Variants in GRB10 observed in about 807,000 individuals in gnomAD.
GRB10 encodes growth factor receptor bound protein 10.
A neutral mutation model predicts 80.9 loss-of-function variants in GRB10; 20 were observed. The ratio of observed to expected loss-of-function variants is 0.25; its 90% CI spans 0.17 to 0.36. The LOEUF (loss-of-function observed/expected upper bound fraction) is 0.36, where lower values mean the gene tolerates loss of function less well. Ranked by LOEUF, GRB10 falls within the 10% of genes least tolerant of loss-of-function variation. The pLI, the probability that GRB10 is intolerant of heterozygous loss-of-function variation, is 1.00. For missense variants in GRB10, 548 were observed against 747.7 expected, an observed-to-expected ratio of 0.73 and a Z score of 3.12; for synonymous variants, 291 against 291.5, an observed-to-expected ratio of 1.00 and a Z score of 0.02.
chr7:50,626,173 G>A (rs1327241744), intron 8 of GRB10, among the ~76,000 whole-genome samples: 3 of 152,208 alleles, frequency 2.0e-5, no homozygotes, highest in Non-Finnish European at 4.4e-5. Flanking sequence ...TCTGTAAAGA[G>A]TCAATATCTT....
chr7:50,605,805 C>G (rs1434291787), intron 14 of GRB10, among the ~76,000 whole-genome samples: 1 of 152,114 alleles, frequency 6.6e-6, no homozygotes, highest in Admixed American at 6.5e-5. Context: ...ACTCGTGGAC[C>G]CTTTCTGTGG....
chr7:50,694,977 C>T (rs1363672776), intron 5 of GRB10, among the ~76,000 whole-genome samples: 1 of 152,120 alleles, frequency 6.6e-6, no homozygotes, highest in Non-Finnish European at 1.5e-5. Context: ...CTCCTAACCT[C>T]TCTGCTATTA....
chr7:50,672,232 G>A (rs1016499167), intron 6 of GRB10, among the ~76,000 whole-genome samples: 13 of 152,146 alleles, frequency 8.5e-5, no homozygotes, highest in South Asian at 4.1e-4. Flanking sequence ...ACCATGCTCC[G>A]TGACCTCTGG....
intron 2 of GRB10, among the ~76,000 whole-genome samples, chr7:50,765,214 C>T (rs920780596): frequency 3.3e-5 from 5 of 152,164 alleles, no homozygotes; most frequent in African/African-American, 7.2e-5. Context: ...TATACTCTGC[C>T]GGTGGGAATG....
rs536888291 is a variant in GRB10, at chr7:50,630,332, CCT to C, written c.505-3356_505-3355del. ...GTGGGAACATGGCTGAGCTATCCAG[CCT>C]CTCTGTGCCTCAGTTTCCTCATCTG... On this transcript the variant is annotated intron_variant, in intron 7 of 18. Coordinates refer to ENST00000401949, the MANE Select transcript of GRB10 (RefSeq NM_001350814.2). 5.9e-3 allele frequency among the ~76,000 whole-genome samples: 904 copies of C among 152,308 alleles called. 12 individuals are homozygous for C. Among genetic ancestry groups the C allele is most frequent in the African/African-American group, 0.02 (849 of 41,556 alleles).
At chr7:50,645,496 A>C in intron 7 of GRB10, 1 of 569,080 alleles carries the variant, frequency 1.8e-6, no homozygotes, top group Non-Finnish European at 2.2e-6. Flanking sequence ...TTGGGCACTA[A>C]CTCCTTTAAA....
intron 5 of GRB10, among the ~76,000 whole-genome samples, chr7:50,699,207 T>C (rs2063828179): frequency 6.6e-6 from 1 of 150,792 alleles, no homozygotes; most frequent in Admixed American, 6.5e-5. Flanking sequence ...TGAATAATTA[T>C]TTGCAAAAAG....
chr7:50,671,500 T>C (rs1290845115), intron 6 of GRB10, among the ~76,000 whole-genome samples: 6 of 152,244 alleles, frequency 3.9e-5, no homozygotes, highest in African/African-American at 2.4e-5. Context: ...AGAACTCACA[T>C]GGCATGAAGG....
At chr7:50,734,873 G>A (rs7780348) in intron 3 of GRB10, among the ~76,000 whole-genome samples, 102,043 of 151,976 alleles carry the variant, frequency 0.67, 36,566 homozygotes, top group Middle Eastern at 0.84. Context: ...AAGATGAAAA[G>A]CTTCTCCCCT....
chr7:50,736,096 G>A (rs542335910), intron 3 of GRB10, among the ~76,000 whole-genome samples: 1 of 152,238 alleles, frequency 6.6e-6, no homozygotes, highest in Admixed American at 6.5e-5. Context: ...GATCAGCCTG[G>A]CCAACATGGT....
rs183086970 is a variant in GRB10, at chr7:50,619,768, G to A, written c.662-483C>T. On this transcript the variant is annotated intron_variant, in intron 8 of 18. Transcript: ENST00000401949. ...GCCAGAAAAGATGGTGCTGTGTACT[G>A]TGGGAGAGGCCGTGATGCACAGCAA... Among the ~76,000 whole-genome samples the A allele has an allele frequency of 6.9e-3, 1,055 of 152,298 alleles. 7 individuals are homozygous for A. The highest frequency in any genetic ancestry group is 0.011 in the Non-Finnish European group (717 of 68,030).
intron 3 of GRB10, among the ~76,000 whole-genome samples, chr7:50,744,978 CTT>C (rs758919374): frequency 2.0e-5 from 3 of 152,116 alleles, no homozygotes; most frequent in African/African-American, 7.2e-5. Context: ...TTTTGACAAA[CTT>C]TAACTTTTTT....
chr7:50,608,890 G>A (rs960097178), intron 13 of GRB10, among the ~76,000 whole-genome samples: 10 of 151,288 alleles, frequency 6.6e-5, no homozygotes, highest in Non-Finnish European at 1.3e-4. Flanking sequence ...GTTTGAGCCC[G>A]GGAGGTTGAG....
At chr7:50,651,061 G>T (rs2057950521) in intron 7 of GRB10, among the ~76,000 whole-genome samples, 1 of 152,090 alleles carries the variant, frequency 6.6e-6, no homozygotes, top group Admixed American at 6.5e-5. Context: ...AATAGTTAGG[G>T]TTTCATTCCT....
At chr7:50,653,308 G>A (rs982566779) in intron 7 of GRB10, among the ~76,000 whole-genome samples, 14 of 152,182 alleles carry the variant, frequency 9.2e-5, no homozygotes, top group African/African-American at 2.9e-4. Context: ...CTGCAGCACC[G>A]CCCATGAAGC....
In GRB10 at chr7:50,674,476, T is replaced by C. The variant is rs746894441; in HGVS notation, c.322A>G (p.Arg108Gly). 6.2e-7 allele frequency: 1 copy of C among 1,607,924 alleles called. No homozygotes were observed. The highest frequency in any genetic ancestry group is 8.5e-7 in the Non-Finnish European group (1 of 1,180,004). The change falls in exon 6 of 19, where the codon AGG becomes GGG. Residue 108 changes from arginine to glycine, a missense_variant. Arg to Gly is a moderately radical substitution (Grantham distance 125). This residue lies in a region of GRB10 where 245 missense variants were observed against 229.3 expected (regional missense o/e 1.07). Coordinates refer to ENST00000401949, the MANE Select transcript of GRB10 (RefSeq NM_001350814.2). Reference sequence around the variant, plus strand: ...TGCACAGGCTGGGAGCGCTGCACCCTCTGCCTCGGGGACACCTGTGGCTGG... The same window carrying C: ...TGCACAGGCTGGGAGCGCTGCACCCCCTGCCTCGGGGACACCTGTGGCTGG... ...SIQPQVSPRQRVQRSQPVHIL... is the reference protein window; with the variant it reads ...SIQPQVSPRQGVQRSQPVHIL...
At chr7:50,774,037 A>C (rs975883383) in intron 2 of GRB10, among the ~76,000 whole-genome samples, 3 of 152,242 alleles carry the variant, frequency 2.0e-5, no homozygotes, top group African/African-American at 7.2e-5. Context: ...AAAAGGAATG[A>C]AGTACTAATG....
At chr7:50,736,336 G>C (rs1031568334) in intron 3 of GRB10, among the ~76,000 whole-genome samples, 2 of 152,076 alleles carry the variant, frequency 1.3e-5, no homozygotes, top group Non-Finnish European at 2.9e-5. Flanking sequence ...CTTACTACCA[G>C]GCTACAGTAA....
intron 1 of GRB10, among the ~76,000 whole-genome samples, chr7:50,792,122 G>A (rs1225580510): frequency 1.3e-5 from 2 of 152,148 alleles, no homozygotes; most frequent in Non-Finnish European, 2.9e-5. Context: ...CCAAACGGCT[G>A]AATCAGCATT....
Sources: allele counts gnomAD v4.1 joint callset (sites outside exome capture counted in the v4.1 genomes callset), GRCh38; gene constraint gnomAD v4.1.1; regional missense constraint gnomAD v4.1.1; transcripts MANE v1.5; gene names NCBI Gene and HGNC (gene_info 2026-07-23, HGNC 2026-07-21).